The following ZBTB20 variants were observed in gnomAD, a reference collection of about 807,000 sequenced individuals.
The protein encoded by ZBTB20 is zinc finger and BTB domain-containing protein 20.
Under a neutral mutation model 56.9 loss-of-function variants are expected in ZBTB20, and 9 were observed. The ratio of observed to expected loss-of-function variants is 0.16; its 90% CI spans 0.10 to 0.28. The LOEUF is 0.28. ZBTB20 is among the 10% of genes least tolerant of loss of function. The probability of loss-of-function intolerance (pLI) is 1.00; values close to 1 mark genes in which losing one functional copy is unlikely to be tolerated. For synonymous variants in ZBTB20, 417 were observed against 420.7 expected, an observed-to-expected ratio of 0.99 and a Z score of 0.11; for missense variants, 655 against 1,003.0, an observed-to-expected ratio of 0.65 and a Z score of 4.69.
intron 7 of ZBTB20, among the ~76,000 whole-genome samples, chr3:114,444,333 C>T (rs113065534): frequency 2.0e-5 from 3 of 152,194 alleles, no homozygotes; most frequent in African/African-American, 7.2e-5. Flanking sequence ...AGTGTTAACT[C>T]CAGAGTCTCT....
At chr3:114,794,830 T>C (rs1210308908) in intron 5 of ZBTB20, among the ~76,000 whole-genome samples, 1 of 152,114 alleles carries the variant, frequency 6.6e-6, no homozygotes, top group Non-Finnish European at 1.5e-5. Context: ...TAGGTAGTAA[T>C]AATGAGAATA....
chr3:114,451,845 C>G (rs1318498929), intron 7 of ZBTB20, among the ~76,000 whole-genome samples: 1 of 151,838 alleles, frequency 6.6e-6, no homozygotes, highest in South Asian at 2.1e-4. Flanking sequence ...TTTCCCTTTT[C>G]TCCTCGACTG....
intron 5 of ZBTB20, among the ~76,000 whole-genome samples, chr3:114,746,235 T>C (rs1244964402): frequency 2.0e-5 from 3 of 152,204 alleles, no homozygotes; most frequent in Non-Finnish European, 4.4e-5. Context: ...TGGTGAAGGA[T>C]AGAAAGTATC....
intron 3 of ZBTB20, among the ~76,000 whole-genome samples, chr3:114,904,937 C>T (rs962849254): frequency 6.6e-6 from 1 of 151,788 alleles, no homozygotes; most frequent in African/African-American, 2.4e-5. Context: ...GCTATAAAAT[C>T]CACGAAAAAC....
intron 2 of ZBTB20, among the ~76,000 whole-genome samples, chr3:115,040,535 G>C (rs191627629): frequency 4.0e-4 from 61 of 152,234 alleles, no homozygotes; most frequent in African/African-American, 1.3e-3. Context: ...TCAGAGGCAT[G>C]AAAGTACATG....
chr3:114,919,207 A>G (rs902187849), intron 3 of ZBTB20, among the ~76,000 whole-genome samples: 1 of 152,200 alleles, frequency 6.6e-6, no homozygotes, highest in Non-Finnish European at 1.5e-5. Flanking sequence ...CTGGGGGAAA[A>G]GCAAGATACA....
chr3:114,800,159 G>A (rs1052255262), intron 5 of ZBTB20, among the ~76,000 whole-genome samples: 2 of 151,836 alleles, frequency 1.3e-5, no homozygotes, highest in Non-Finnish European at 2.9e-5. Flanking sequence ...TAAGCTTCTG[G>A]ATTTTATTAC....
intron 5 of ZBTB20, among the ~76,000 whole-genome samples, chr3:114,718,467 A>G (rs1165270832): frequency 6.6e-6 from 1 of 152,072 alleles, no homozygotes; most frequent in African/African-American, 2.4e-5. Flanking sequence ...TGACTTACAA[A>G]CATGAGTGGA....
rs137963330 is a variant in ZBTB20 at position 114,390,162 on chromosome 3, C to T, written c.-254-1057G>A. Among the ~76,000 whole-genome samples, 19 of 152,158 alleles carry T rather than the reference C, an allele frequency of 1.2e-4. No homozygotes were observed. The East Asian group carries it at 2.1e-3, about 17-fold the overall frequency. On this transcript the variant is annotated intron_variant, in intron 7 of 11. Transcript: ENST00000675478. Reference sequence around the variant, plus strand: ...TAGATTCCCCATATAAGTGAGGTCACGTGGTATTTGTTTTTCTGTGCCTGG... The same window carrying T: ...TAGATTCCCCATATAAGTGAGGTCATGTGGTATTTGTTTTTCTGTGCCTGG...
At chr3:114,514,336 T>C (rs1316301049) in intron 6 of ZBTB20, among the ~76,000 whole-genome samples, 1 of 152,190 alleles carries the variant, frequency 6.6e-6, no homozygotes, top group Non-Finnish European at 1.5e-5. Flanking sequence ...TTGTATATTA[T>C]GTTCATCTCA....
chr3:114,501,098 C>T (rs752702113), intron 6 of ZBTB20, among the ~76,000 whole-genome samples: 2 of 152,136 alleles, frequency 1.3e-5, no homozygotes, highest in Non-Finnish European at 2.9e-5. Flanking sequence ...CCTAAGTTTG[C>T]CCCGGACTTG....
At chr3:115,002,070 C>A (rs2079274388) in intron 2 of ZBTB20, among the ~76,000 whole-genome samples, 1 of 151,330 alleles carries the variant, frequency 6.6e-6, no homozygotes, top group South Asian at 2.1e-4. Flanking sequence ...AGAGAGAGGC[C>A]AGAAATTGAC....
intron 6 of ZBTB20, among the ~76,000 whole-genome samples, chr3:114,664,025 A>G (rs2060903702): frequency 1.3e-5 from 2 of 152,088 alleles, no homozygotes; most frequent in African/African-American, 4.8e-5. Context: ...TTTCTCCAGT[A>G]AAACCAAGTG....
chr3:114,736,243 A>T (rs912460279), intron 5 of ZBTB20, among the ~76,000 whole-genome samples: 2 of 152,220 alleles, frequency 1.3e-5, no homozygotes, highest in Non-Finnish European at 2.9e-5. Flanking sequence ...AAATCAATGA[A>T]TAAATGAAAT....
chr3:114,538,176 AG>A (rs1399092815), intron 6 of ZBTB20, among the ~76,000 whole-genome samples: 1 of 152,130 alleles, frequency 6.6e-6, no homozygotes, highest in Admixed American at 6.6e-5. Context: ...TAGAAACTCT[AG>A]CTAGACCTGT....
At chr3:114,988,542 A>C (rs2078655453) in intron 2 of ZBTB20, among the ~76,000 whole-genome samples, 1 of 152,094 alleles carries the variant, frequency 6.6e-6, no homozygotes, top group South Asian at 2.1e-4. Context: ...GCTATTGTGA[A>C]TAGTGCCGCA....
At chr3:114,705,253 A>G (rs904497069) in intron 5 of ZBTB20, among the ~76,000 whole-genome samples, 1 of 152,156 alleles carries the variant, frequency 6.6e-6, no homozygotes, top group Non-Finnish European at 1.5e-5. Flanking sequence ...TTCAGAACAC[A>G]TAACAAGTTT....
chr3:114,458,901 T>C (rs562778504), intron 7 of ZBTB20, among the ~76,000 whole-genome samples: 40 of 152,310 alleles, frequency 2.6e-4, no homozygotes, highest in African/African-American at 9.1e-4. Context: ...GCCTGCATTA[T>C]ACTAAAGAAA....
Position 114,351,794 on chromosome 3 carries a change from T to A in ZBTB20, c.284A>T (p.Asn95Ile). 6.2e-7 allele frequency: 1 copy of A among 1,609,142 alleles called. No homozygotes were observed. ...NFSNSVLETLNEQRNRGHFCD... is the reference protein window; with the variant it reads ...NFSNSVLETLIEQRNRGHFCD... Reference sequence around the variant, plus strand: ...GAAGTGGCCACGGTTGCGCTGCTCGTTGAGGGTCTCGAGCACGGAATTGCT... The same window carrying A: ...GAAGTGGCCACGGTTGCGCTGCTCGATGAGGGTCTCGAGCACGGAATTGCT... Residue 95 changes from asparagine to isoleucine, a missense_variant, in exon 11 of 12, where the codon AAC (asparagine) becomes ATC (isoleucine). Transcript: ENST00000675478.
Sources: allele counts gnomAD v4.1 joint callset (sites outside exome capture counted in the v4.1 genomes callset), GRCh38; gene constraint gnomAD v4.1.1; transcripts MANE v1.5; gene names NCBI Gene and HGNC (gene_info 2026-07-23, HGNC 2026-07-21).